The following DIMT1 variants were observed in gnomAD, a reference collection of about 807,000 sequenced individuals.
The protein encoded by DIMT1 is DIM1 rRNA methyltransferase and ribosome maturation factor.
A neutral mutation model predicts 43.2 loss-of-function variants in DIMT1; 36 were observed. The observed-to-expected ratio is 0.83, with a 90% CI of 0.64 to 1.10. DIMT1 has a LOEUF of 1.10. DIMT1 is among the 50% of genes least tolerant of loss of function. DIMT1 has a pLI of 0.00. For missense variants in DIMT1, 341 were observed against 385.3 expected, an observed-to-expected ratio of 0.88 and a Z score of 0.96; for synonymous variants, 126 against 130.3, an observed-to-expected ratio of 0.97 and a Z score of 0.22.
At chr5:62,393,517 C>T (rs1390640015) in intron 8 of DIMT1, among the ~76,000 whole-genome samples, 5 of 152,148 alleles carry the variant, frequency 3.3e-5, no homozygotes, top group Non-Finnish European at 7.4e-5. Flanking sequence ...TGTAACACAC[C>T]TAAACCTCCT....
At chr5:62,397,705 G>A (rs1024372742) in intron 6 of DIMT1, among the ~76,000 whole-genome samples, 4 of 151,808 alleles carry the variant, frequency 2.6e-5, no homozygotes, top group African/African-American at 7.3e-5. Flanking sequence ...CTGGAGTGCA[G>A]TGGCGCGATC....
intron 10 of DIMT1, 135 bp downstream of exon 10, chr5:62,392,036 G>A: frequency 6.4e-7 from 1 of 1,560,550 alleles, no homozygotes; most frequent in South Asian, 1.2e-5. Context: ...AATTGTGCTA[G>A]TTATACATTA....
At chr5:62,400,160 C>T (rs1742649524) in intron 3 of DIMT1, among the ~76,000 whole-genome samples, 1 of 152,124 alleles carries the variant, frequency 6.6e-6, no homozygotes, top group Non-Finnish European at 1.5e-5. Flanking sequence ...GATAACTTCT[C>T]AAGTAAATGA....
chr5:62,392,233 A>G lies in DIMT1; in HGVS notation c.730T>C (p.Ser244Pro), dbSNP rs749350723. The G allele has an allele frequency of 6.2e-7, 1 of 1,612,856 alleles. No homozygotes were observed. The highest frequency in any genetic ancestry group is 8.5e-7 in the Non-Finnish European group (1 of 1,179,364). The stretch of plus-strand genomic sequence containing the variant: ...TCCAAGAGTTGTTGCACTGCACTTG[A>G]TCTATAGCATAAAGAAGTGATGCCA... ...KNKTLSAAFK[S>P]SAVQQLLEKN... is the part of the protein sequence containing the mutation. Residue 244 changes from serine to proline, a missense_variant and splice_region_variant, in exon 10 of 12, where the codon TCA becomes CCA. Ser to Pro is a moderately conservative substitution (Grantham distance 74). Coordinates refer to ENST00000199320, the MANE Select transcript of DIMT1 (RefSeq NM_014473.4).
chr5:62,394,747 T>C, intron 6 of DIMT1, 140 bp from the exon 7 acceptor site: 3 of 1,203,510 alleles, frequency 2.5e-6, no homozygotes, highest in Non-Finnish European at 3.5e-6. Flanking sequence ...TTCAGCCTTT[T>C]TTTTATTGCC....
rs1173004409 is a variant in DIMT1, at chr5:62,388,086, T to C, written c.*924A>G. On this transcript the variant is annotated 3_prime_UTR_variant, in exon 12 of 12. Transcript: ENST00000199320. The stretch of plus-strand genomic sequence containing the variant: ...AATAAAACTAGTTTATGACATCTAT[T>C]GAAATTCTCAGTCTGACAGTTTTAA... 1.3e-5 allele frequency: 2 copies of C among 152,202 alleles called. No homozygotes were observed. Among genetic ancestry groups the C allele is most frequent in the African/African-American group, 4.8e-5 (2 of 41,450 alleles). 9.4% of individuals were successfully genotyped at this position (152,202 alleles called of 1,614,324 possible). A position where few individuals can be genotyped will look rare whatever the true frequency, so the allele number is the denominator to read the frequency against.
chr5:62,403,687 T>C lies in DIMT1; in HGVS notation c.79+7A>G, dbSNP rs1376025369. On this transcript the variant is annotated splice_region_variant and intron_variant, in intron 1 of 11. Transcript: ENST00000199320. ...ACCGACCCCAGCTTCCTCGCGGGGA[T>C]CCGCACCTCCAGCGCTCTTCAGCTC... The C allele has an allele frequency of 6.2e-7, 1 of 1,606,008 alleles. No individual in the cohort carries two copies. Among genetic ancestry groups the C allele is most frequent in the Non-Finnish European group, 8.5e-7 (1 of 1,177,092 alleles).
In DIMT1 at chr5:62,403,269, C is replaced by T. The variant is rs1463866693; in HGVS notation, c.153+4G>A. The T allele has an allele frequency of 6.2e-7, 1 of 1,613,136 alleles. No individual in the cohort carries two copies. Among genetic ancestry groups the T allele is most frequent in the Admixed American group, 1.7e-5 (1 of 59,986 alleles). ...ACTCTCTCCCTTTCCTCTTCCACAC[C>T]CACCTTATCGATAATGCTGTTAATA... On this transcript the variant is annotated splice_donor_region_variant and intron_variant, in intron 2 of 11. Coordinates refer to ENST00000199320, the MANE Select transcript of DIMT1 (RefSeq NM_014473.4).
At chr5:62,390,319 A>G (rs1580118133) in intron 11 of DIMT1, among the ~76,000 whole-genome samples, 2 of 152,300 alleles carry the variant, frequency 1.3e-5, no homozygotes, top group East Asian at 3.9e-4. Context: ...TTTGGTCTAA[A>G]TTACCTAGAT....
At chr5:62,395,064 G>A (rs910822299) in intron 6 of DIMT1, among the ~76,000 whole-genome samples, 24 of 148,762 alleles carry the variant, frequency 1.6e-4, no homozygotes, top group South Asian at 2.1e-4. Flanking sequence ...CGCTCTTGTC[G>A]CCCAGGCTGG....
chr5:62,397,506 G>C (rs1742539266), intron 6 of DIMT1, among the ~76,000 whole-genome samples: 1 of 152,166 alleles, frequency 6.6e-6, no homozygotes, highest in Admixed American at 6.5e-5. Flanking sequence ...TCGTCACTTA[G>C]GGAACAAACA....
chr5:62,398,670 A>C lies in DIMT1; in HGVS notation c.372T>G (p.Thr124=), dbSNP rs1376281976. 6 of 1,614,124 alleles carry C rather than the reference A, an allele frequency of 3.7e-6. No individual in the cohort carries two copies. Among genetic ancestry groups the C allele is most frequent in the Non-Finnish European group, 3.4e-6 (4 of 1,180,044 alleles). Residue 124 remains threonine (T), a synonymous_variant, in exon 5 of 12, where the codon ACT becomes ACG. Coordinates refer to ENST00000199320, the MANE Select transcript of DIMT1 (RefSeq NM_014473.4). ...CCTGATAAGGCAAATTTGCCACACAAGTATCAAAGAATGGCAAATCTGTTT... is the reference window on the plus strand; with the variant it reads ...CCTGATAAGGCAAATTTGCCACACACGTATCAAAGAATGGCAAATCTGTTT... ...VLKTDLPFFD[T]CVANLPYQIS... is the part of the protein sequence containing the mutation.
At chr5:62,389,505 A>AAAAAAAAAAAAAAAT (rs1742200301) in intron 11 of DIMT1, among the ~76,000 whole-genome samples, 2 of 150,820 alleles carry the variant, frequency 1.3e-5, no homozygotes, top group Non-Finnish European at 2.9e-5. Flanking sequence ...AAAAAAAGAA[A>AAAAAAAAAAAAAAAT]TGTTATTGTC....
intron 3 of DIMT1, among the ~76,000 whole-genome samples, chr5:62,400,441 C>T (rs772124574): frequency 4.6e-5 from 7 of 152,010 alleles, no homozygotes; most frequent in Admixed American, 3.3e-4. Context: ...TTAATAGAGA[C>T]GGGTCTCTCT....
intron 6 of DIMT1, 129 bp downstream of exon 6, chr5:62,398,382 C>T: frequency 1.1e-6 from 1 of 910,048 alleles, no homozygotes; most frequent in South Asian, 1.6e-5. Flanking sequence ...GACCTCCATA[C>T]AAATCAACAT....
Position 62,387,371 on chromosome 5 carries a change from G to A in DIMT1, c.*1639C>T, listed in dbSNP as rs1249658809. On this transcript the variant is annotated 3_prime_UTR_variant, in exon 12 of 12. Coordinates refer to ENST00000199320, the MANE Select transcript of DIMT1 (RefSeq NM_014473.4). ...TTTGAGATTAACCAACTTTCAAAGG[G>A]CAATAAAGACATGTGAATTTGCTCA... 1.3e-5 allele frequency: 2 copies of A among 152,072 alleles called. No homozygotes were observed. Among genetic ancestry groups the A allele is most frequent in the South Asian group, 2.1e-4 (1 of 4,822 alleles). 9.4% of individuals were successfully genotyped at this position (152,072 alleles called of 1,614,324 possible).
At position 62,403,857 on chromosome 5, in the gene DIMT1, C is replaced by G; in HGVS notation, c.-85G>C. On this transcript the variant is annotated 5_prime_UTR_variant, in exon 1 of 12. Coordinates refer to ENST00000199320, the MANE Select transcript of DIMT1 (RefSeq NM_014473.4). ...TGAGAAAGCCACCACGTGGGGATCGCCGCCACGCGCCGCCCGCACCACTCT... is the reference window on the plus strand; with the variant it reads ...TGAGAAAGCCACCACGTGGGGATCGGCGCCACGCGCCGCCCGCACCACTCT... The G allele has an allele frequency of 1.5e-6, 2 of 1,372,860 alleles. No individual in the cohort carries two copies. Among genetic ancestry groups the G allele is most frequent in the Non-Finnish European group, 2.0e-6 (2 of 1,000,100 alleles). The allele number at this position is 1,372,860 out of a possible 1,614,324, so 85.0% of individuals were successfully genotyped here. A position where few individuals can be genotyped will look rare whatever the true frequency, so the allele number is the denominator to read the frequency against.
intron 3 of DIMT1, among the ~76,000 whole-genome samples, chr5:62,400,901 G>C (rs1388213197): frequency 1.3e-5 from 2 of 151,890 alleles, no homozygotes; most frequent in East Asian, 3.9e-4. Context: ...CAGGGCTACA[G>C]TCAGGCACCA....
chr5:62,394,633 G>C (rs764344231), intron 6 of DIMT1, 26 bp from the exon 7 acceptor site: 62 of 1,611,068 alleles, frequency 3.8e-5, no homozygotes, highest in Non-Finnish European at 5.0e-5. Context: ...AAAGGAATAA[G>C]GAAAATGGTC....
Sources: allele counts gnomAD v4.1 joint callset (sites outside exome capture counted in the v4.1 genomes callset), GRCh38; gene constraint gnomAD v4.1.1; transcripts MANE v1.5; gene names NCBI Gene and HGNC (gene_info 2026-07-23, HGNC 2026-07-21).